Variants in PCDH15 observed in about 807,000 individuals in gnomAD.
PCDH15 encodes the protein protocadherin related 15.
A neutral mutation model predicts 178.5 loss-of-function variants in PCDH15; 129 were observed. The ratio of observed to expected loss-of-function variants is 0.72; its 90% CI spans 0.63 to 0.84. The LOEUF is 0.84. PCDH15 is among the 40% of genes least tolerant of loss of function. PCDH15 has a pLI of 0.00. For synonymous variants in PCDH15, 800 were observed against 732.0 expected (o/e 1.09, Z -1.50); for missense variants, 2,230 against 2,099.9 (o/e 1.06, Z -1.21).
At chr10:55,488,994 T>C (rs1840358486) in intron 2 of PCDH15, among the ~76,000 whole-genome samples, 1 of 151,724 alleles carries the variant, frequency 6.6e-6, no homozygotes, top group African/African-American at 2.4e-5. Context: ...GGTAGTGTTG[T>C]ATAAGACATT....
At chr10:53,986,266 C>A (rs1451735130) in intron 21 of PCDH15, among the ~76,000 whole-genome samples, 1 of 152,168 alleles carries the variant, frequency 6.6e-6, no homozygotes, top group Non-Finnish European at 1.5e-5. Context: ...GTCAAAACTA[C>A]AATCAGATAT....
At chr10:54,678,476 A>G (rs2094832737) in intron 1 of PCDH15, among the ~76,000 whole-genome samples, 1 of 152,174 alleles carries the variant, frequency 6.6e-6, no homozygotes, top group African/African-American at 2.4e-5. Flanking sequence ...TTGGTGAGCA[A>G]CACTAAGACT....
chr10:53,980,664 C>A (rs1224206479), intron 21 of PCDH15, among the ~76,000 whole-genome samples: 1 of 152,142 alleles, frequency 6.6e-6, no homozygotes, highest in African/African-American at 2.4e-5. Flanking sequence ...AATAATCCAG[C>A]AAAATAGTTC....
At chr10:55,354,998 G>A (rs973055566) in intron 2 of PCDH15, among the ~76,000 whole-genome samples, 2 of 151,922 alleles carry the variant, frequency 1.3e-5, no homozygotes, top group Non-Finnish European at 2.9e-5. Flanking sequence ...AATGTAATTG[G>A]AAAGGAATTA....
intron 1 of PCDH15, among the ~76,000 whole-genome samples, chr10:54,698,151 A>G (rs1447460158): frequency 1.3e-5 from 2 of 152,176 alleles, no homozygotes; most frequent in Non-Finnish European, 2.9e-5. Context: ...AATTTAAGAA[A>G]GAAAGTTTAC....
intron 9 of PCDH15, among the ~76,000 whole-genome samples, chr10:54,224,006 A>G (rs1015638056): frequency 1.3e-5 from 2 of 152,166 alleles, no homozygotes; most frequent in Non-Finnish European, 2.9e-5. Context: ...CACATCTAAT[A>G]TACTTCAAAG....
intron 17 of PCDH15, among the ~76,000 whole-genome samples, chr10:54,074,964 AT>A (rs2094313735): frequency 6.6e-6 from 1 of 152,176 alleles, no homozygotes; most frequent in African/African-American, 2.4e-5. Context: ...TTTCCATAAT[AT>A]TTAGCAATGC....
At chr10:54,818,516 G>C (rs371980532) in intron 3 of PCDH15, among the ~76,000 whole-genome samples, 1 of 151,984 alleles carries the variant, frequency 6.6e-6, no homozygotes, top group African/African-American at 2.4e-5. Flanking sequence ...GCTGGTAAAG[G>C]CCATATATCT....
chr10:54,205,593 A>C (rs1393940275), intron 10 of PCDH15, among the ~76,000 whole-genome samples: 1 of 151,602 alleles, frequency 6.6e-6, no homozygotes, highest in Non-Finnish European at 1.5e-5. Context: ...CTGACTAAAA[A>C]TTATTAGGTT....
At chr10:54,305,425 C>G (rs1172380638) in intron 8 of PCDH15, among the ~76,000 whole-genome samples, 5 of 151,662 alleles carry the variant, frequency 3.3e-5, no homozygotes, top group Non-Finnish European at 7.4e-5. Flanking sequence ...TACCTTTATA[C>G]AAAGTCATTC....
chr10:55,476,256 A>C (rs951185689), intron 2 of PCDH15, among the ~76,000 whole-genome samples: 1 of 152,048 alleles, frequency 6.6e-6, no homozygotes, highest in Non-Finnish European at 1.5e-5. Context: ...AAATGCTTGT[A>C]GATTTTAGAA....
intron 25 of PCDH15, among the ~76,000 whole-genome samples, chr10:53,909,329 TA>T (rs1164529125): frequency 6.6e-6 from 1 of 152,186 alleles, no homozygotes. Flanking sequence ...CTTTATAAAT[TA>T]CCCAGTCTCG....
chr10:55,324,706 C>G (rs1163193638), intron 2 of PCDH15, among the ~76,000 whole-genome samples: 4 of 151,792 alleles, frequency 2.6e-5, no homozygotes, highest in Non-Finnish European at 4.4e-5. Context: ...TAGTTTAATT[C>G]AGGGCCTGAA....
At chr10:55,418,915 G>A (rs1399955064) in intron 2 of PCDH15, among the ~76,000 whole-genome samples, 1 of 150,818 alleles carries the variant, frequency 6.6e-6, no homozygotes, top group Non-Finnish European at 1.5e-5. Flanking sequence ...GTTGGAGAAT[G>A]CTGTTTTCCT....
intron 2 of PCDH15, among the ~76,000 whole-genome samples, chr10:54,591,929 G>A (rs921613660): frequency 1.3e-5 from 2 of 152,076 alleles, no homozygotes; most frequent in Non-Finnish European, 2.9e-5. Context: ...AATCTTGTCA[G>A]AACCCAATGT....
chr10:55,590,909 G>C (rs1459694358), intron 2 of PCDH15, among the ~76,000 whole-genome samples: 3 of 152,096 alleles, frequency 2.0e-5, no homozygotes, highest in East Asian at 3.8e-4. Flanking sequence ...TAAGAAATAA[G>C]AGAATTATCA....
intron 2 of PCDH15, among the ~76,000 whole-genome samples, chr10:54,621,479 A>T (rs2093346521): frequency 6.6e-6 from 1 of 151,992 alleles, no homozygotes; most frequent in Non-Finnish European, 1.5e-5. Context: ...CGTTGTTCTG[A>T]ATTGTCTTAC....
chr10:54,284,985 T>G (rs1255136230), intron 8 of PCDH15, among the ~76,000 whole-genome samples: 1 of 152,150 alleles, frequency 6.6e-6, no homozygotes, highest in East Asian at 1.9e-4. Flanking sequence ...AAGTAAAATA[T>G]GGCTTTATGT....
At chr10:53,924,266 G>T (rs555041508) in intron 25 of PCDH15, among the ~76,000 whole-genome samples, 3 of 152,190 alleles carry the variant, frequency 2.0e-5, no homozygotes, top group East Asian at 1.9e-4. Flanking sequence ...GGTGGACTCC[G>T]CACTCAGAGC....
Sources: gnomAD v4.1 joint callset for allele counts (sites outside exome capture counted in the v4.1 genomes callset) on GRCh38, gnomAD v4.1.1 for gene constraint, MANE v1.5 for transcripts, NCBI Gene and HGNC (gene_info 2026-07-23, HGNC 2026-07-21) for gene names.